RBFOX1: variants seen among roughly 807,000 people sequenced by gnomAD.
RBFOX1 encodes the protein RNA binding protein fox-1 homolog 1.
RBFOX1 carries 8 observed loss-of-function variants against 57.7 expected under a neutral mutation model. The ratio of observed to expected loss-of-function variants is 0.14; its 90% CI spans 0.08 to 0.25. The LOEUF (loss-of-function observed/expected upper bound fraction) is 0.25. RBFOX1 is among the 10% of genes least tolerant of loss of function. The pLI is 1.00. For missense variants in RBFOX1, 611 were observed against 548.5 expected (o/e 1.11, Z -1.14); for synonymous variants, 326 against 222.4 (o/e 1.47, Z -4.15).
intron 2 of RBFOX1, among the ~76,000 whole-genome samples, chr16:6,454,849 C>G (rs568202675): frequency 7.9e-5 from 11 of 138,414 alleles, no homozygotes; most frequent in Admixed American, 3.0e-4. Context: ...TCTATTTCTC[C>G]TCATATACAG....
intron 2 of RBFOX1, among the ~76,000 whole-genome samples, chr16:6,548,143 A>G (rs940972342): frequency 6.6e-6 from 1 of 152,216 alleles, no homozygotes; most frequent in Non-Finnish European, 1.5e-5. Context: ...ATCCAGTTAA[A>G]TGTGTCACTT....
chr16:6,407,000 C>G (rs8063995), intron 2 of RBFOX1, among the ~76,000 whole-genome samples: 66,322 of 151,896 alleles, frequency 0.44, 15,285 homozygotes, highest in Non-Finnish European at 0.5. Context: ...TTCTGGAGGT[C>G]CCAATGAGAT....
intron 3 of RBFOX1, among the ~76,000 whole-genome samples, chr16:5,820,696 G>C (rs565972629): frequency 8.2e-4 from 125 of 152,282 alleles, no homozygotes; most frequent in African/African-American, 3.0e-3. Context: ...ACCCTGAATT[G>C]TTGGGACGCG....
At chr16:5,781,029 G>T (rs726239) in intron 3 of RBFOX1, among the ~76,000 whole-genome samples, 36,006 of 152,128 alleles carry the variant, frequency 0.24, 5,157 homozygotes, top group East Asian at 0.55. Context: ...ACCATGGTGG[G>T]TATTTCTCTC....
chr16:5,464,159 G>A (rs1225354782), intron 1 of RBFOX1, among the ~76,000 whole-genome samples: 1 of 152,192 alleles, frequency 6.6e-6, no homozygotes, highest in African/African-American at 2.4e-5. Context: ...GGAGAGCTGG[G>A]CTTGGGCTGT....
chr16:7,345,205 C>T (rs927748040), intron 4 of RBFOX1, among the ~76,000 whole-genome samples: 1 of 152,138 alleles, frequency 6.6e-6, no homozygotes. Context: ...TCAGTTACTC[C>T]CGGGGCTGTG....
chr16:5,780,043 G>A (rs1898226), intron 3 of RBFOX1, among the ~76,000 whole-genome samples: 42,068 of 152,134 alleles, frequency 0.28, 6,276 homozygotes, highest in East Asian at 0.55. Flanking sequence ...TTGCTGTGTC[G>A]CCCCGGCTGG....
chr16:7,654,431 T>C (rs1385880408), intron 12 of RBFOX1, among the ~76,000 whole-genome samples: 1 of 152,096 alleles, frequency 6.6e-6, no homozygotes, highest in East Asian at 1.9e-4. Flanking sequence ...GAAAATTAGG[T>C]GTTGAGTCAC....
intron 2 of RBFOX1, among the ~76,000 whole-genome samples, chr16:5,490,939 G>A (rs113710920): frequency 0.029 from 4,396 of 152,154 alleles, 216 homozygotes; most frequent in African/African-American, 0.1. Context: ...GCGTAGTTAC[G>A]CAAACCTAGA....
rs139842115 is a variant in RBFOX1 at position 7,048,291 on chromosome 16, G to T, written c.-15-3766G>T. 1.2e-4 allele frequency among the ~76,000 whole-genome samples: 18 copies of T among 151,540 alleles called. No individual in the cohort carries two copies. In the East Asian group the frequency reaches 2.9e-3, roughly 25 times the overall value. On this transcript the variant is annotated intron_variant, in intron 3 of 15. Transcript: ENST00000550418. ...GTTTGTTTGTTTTCGATGGAGTCTT[G>T]CTCTGTCTCCCAGGCTAGAGTGCAG...
chr16:7,249,811 A>C (rs1309403203), intron 4 of RBFOX1, among the ~76,000 whole-genome samples: 2 of 151,872 alleles, frequency 1.3e-5, no homozygotes, highest in African/African-American at 4.9e-5. Flanking sequence ...GACTTTCTGG[A>C]GTCAGTTCCT....
chr16:6,844,786 A>G (rs2093672109), intron 3 of RBFOX1, among the ~76,000 whole-genome samples: 1 of 152,178 alleles, frequency 6.6e-6, no homozygotes, highest in South Asian at 2.1e-4. Flanking sequence ...TGGTTGAACT[A>G]ATTTACACTG....
intron 1 of RBFOX1, among the ~76,000 whole-genome samples, chr16:6,221,037 A>G (rs1424743869): frequency 6.6e-6 from 1 of 151,982 alleles, no homozygotes; most frequent in African/African-American, 2.4e-5. Context: ...ATTAAATTTT[A>G]CTCTTTTTAT....
intron 2 of RBFOX1, among the ~76,000 whole-genome samples, chr16:6,572,642 G>T (rs368528726): frequency 5.0e-4 from 76 of 151,972 alleles, no homozygotes; most frequent in African/African-American, 1.8e-3. Context: ...ACCCAGGCTG[G>T]AGTGCAGTGT....
At chr16:6,592,719 C>A (rs1469770821) in intron 2 of RBFOX1, among the ~76,000 whole-genome samples, 1 of 152,134 alleles carries the variant, frequency 6.6e-6, no homozygotes, top group African/African-American at 2.4e-5. Flanking sequence ...TGTGTGTACC[C>A]ACCTGTGTGT....
rs117075116 is a variant in RBFOX1 at position 6,872,473 on chromosome 16, C to T, written c.-15-179584C>T. Among the ~76,000 whole-genome samples, 22 of 152,254 alleles carry T rather than the reference C, an allele frequency of 1.4e-4. 1 individual carries two copies. In the East Asian group the frequency reaches 3.9e-3, roughly 27 times the overall value. On this transcript the variant is annotated intron_variant, in intron 3 of 15. Transcript: ENST00000550418. ...TCAACTTAGGAAACAGCTGAATTAG[C>T]CCCTTGCTTTAGGTTTCAGGCTTCC...
chr16:7,665,054 C>A lies in RBFOX1; in HGVS notation c.930+86C>A, dbSNP rs950012976. ...GTTTGCTGTGAATTTCTCTACTTGG[C>A]GTAGTTGAGTTTCTCTCCTTGGTCT... On this transcript the variant is annotated intron_variant, in intron 13 of 15. Transcript: ENST00000550418. 2.1e-5 allele frequency: 34 copies of A among 1,611,272 alleles called. No homozygotes were observed. In the African/African-American group the frequency reaches 2.7e-4, roughly 13 times the overall value.
chr16:5,493,771 T>G (rs1467134797), intron 2 of RBFOX1, among the ~76,000 whole-genome samples: 1 of 152,208 alleles, frequency 6.6e-6, no homozygotes, highest in Non-Finnish European at 1.5e-5. Context: ...TCACTTCCCA[T>G]CAGAGACCTT....
intron 4 of RBFOX1, among the ~76,000 whole-genome samples, chr16:5,948,796 C>T (rs2059457320): frequency 6.6e-6 from 1 of 152,136 alleles, no homozygotes; most frequent in African/African-American, 2.4e-5. Flanking sequence ...TTGTTTTAAG[C>T]TGCTTAGATT....
Sources: allele counts gnomAD v4.1 joint callset (sites outside exome capture counted in the v4.1 genomes callset), GRCh38; gene constraint gnomAD v4.1.1; transcripts MANE v1.5; gene names NCBI Gene and HGNC (gene_info 2026-07-23, HGNC 2026-07-21).